The following BAZ1A variants were observed in gnomAD, a reference collection of about 807,000 sequenced individuals.
BAZ1A encodes the protein bromodomain adjacent to zinc finger domain 1A, also known as bromodomain adjacent to zinc finger domain protein 1A.
BAZ1A carries 50 observed loss-of-function variants against 185.2 expected under a neutral mutation model. The ratio of observed to expected loss-of-function variants is 0.27; its 90% confidence interval spans 0.22 to 0.34. The LOEUF is 0.34. Ranked by LOEUF, BAZ1A falls within the 10% of genes least tolerant of loss-of-function variation. The pLI is 1.00. For missense variants in BAZ1A, 1,356 were observed against 1,839.9 expected, an observed-to-expected ratio of 0.74 and a Z score of 4.81; for synonymous variants, 571 against 615.6, an observed-to-expected ratio of 0.93 and a Z score of 1.07.
chr14:34,846,708 C>G (rs1379585486), intron 3 of BAZ1A, among the ~76,000 whole-genome samples: 4 of 152,052 alleles, frequency 2.6e-5, no homozygotes, highest in African/African-American at 4.8e-5. Flanking sequence ...TAAATGTTAA[C>G]TGTTCAACTT....
At chr14:34,861,897 C>T in intron 3 of BAZ1A, 147 bp downstream of exon 3, 1 of 882,846 alleles carries the variant, frequency 1.1e-6, no homozygotes, top group East Asian at 2.6e-5. Flanking sequence ...ATACAAGAAA[C>T]AGCTAACACC....
Position 34,800,359 on chromosome 14 carries a change from T to C in BAZ1A, c.993A>G (p.Lys331=). The part of the protein sequence containing the change: ...AFEKAKLKRE[K]ADALEAKKKE... ...TTTTCTTCGCTTCTAGGGCATCTGC[T>C]TTTTCTCTTTTTAATTTAGCCTTTT... The change falls in exon 9 of 27, where the codon AAA becomes AAG. Residue 331 remains lysine (K), a synonymous_variant. Coordinates refer to ENST00000360310, the MANE Select transcript of BAZ1A (RefSeq NM_013448.3). 1 of 1,547,680 alleles carries C rather than the reference T, an allele frequency of 6.5e-7. No individual in the cohort carries two copies. The highest frequency in any genetic ancestry group is 8.7e-7 in the Non-Finnish European group (1 of 1,153,612).
At chr14:34,811,129 A>C (rs1314618714) in intron 4 of BAZ1A, 93 bp from the exon 5 acceptor site, 1 of 905,612 alleles carries the variant, frequency 1.1e-6, no homozygotes, top group African/African-American at 1.7e-5. Flanking sequence ...TACTATAATA[A>C]AATCACATAT....
intron 4 of BAZ1A, among the ~76,000 whole-genome samples, chr14:34,814,323 A>C (rs1312487893): frequency 6.6e-6 from 1 of 151,874 alleles, no homozygotes. Context: ...AACCAATTAA[A>C]TACACAAAAA....
At chr14:34,868,454 T>C (rs2042896585) in intron 2 of BAZ1A, among the ~76,000 whole-genome samples, 1 of 152,122 alleles carries the variant, frequency 6.6e-6, no homozygotes, top group South Asian at 2.1e-4. Flanking sequence ...TTGTTGGGTA[T>C]TGGGAAAACT....
At position 34,762,219 on chromosome 14, in the gene BAZ1A, G is replaced by A. The variant is rs755176637; in HGVS notation, c.3781C>T (p.Pro1261Ser). 12 of 1,613,428 alleles carry A rather than the reference G, an allele frequency of 7.4e-6. No homozygotes were observed. Among genetic ancestry groups the A allele is most frequent in the African/African-American group, 1.3e-5 (1 of 74,822 alleles). Residue 1261 changes from proline (P) to serine (S), a missense_variant, in exon 24 of 27, where the codon CCC becomes TCC. Around this residue, in one of 7 missense-constraint regions of BAZ1A, gnomAD observed 309 missense variants for 355.3 expected, o/e 0.87. Coordinates refer to ENST00000360310, the MANE Select transcript of BAZ1A (RefSeq NM_013448.3). ...CTAACTTGTGGTCTTCCTCGTTTGG[G>A]TAGGCTATAAATATTGTTAGAAAAC... ...DSQEEEEVSL[P>S]KRGRPQVRLP...
At chr14:34,794,049 T>C (rs1881039372) in intron 11 of BAZ1A, among the ~76,000 whole-genome samples, 1 of 152,232 alleles carries the variant, frequency 6.6e-6, no homozygotes, top group East Asian at 1.9e-4. Context: ...GGAGAATCGC[T>C]TGAACCCTGG....
chr14:34,846,504 G>T (rs2042514656), intron 3 of BAZ1A, among the ~76,000 whole-genome samples: 1 of 152,198 alleles, frequency 6.6e-6, no homozygotes. Flanking sequence ...GAACTATTTT[G>T]TGAAGCATAA....
At chr14:34,783,460 T>G (rs1156701395) in intron 15 of BAZ1A, among the ~76,000 whole-genome samples, 1 of 149,066 alleles carries the variant, frequency 6.7e-6, no homozygotes, top group Non-Finnish European at 1.5e-5. Context: ...CTCAACCTCC[T>G]GAGTAGCTGG....
intron 3 of BAZ1A, among the ~76,000 whole-genome samples, chr14:34,846,153 C>T (rs1309154370): frequency 6.6e-6 from 1 of 152,200 alleles, no homozygotes; most frequent in Non-Finnish European, 1.5e-5. Context: ...CACCACCCTG[C>T]TGCTAATCAA....
chr14:34,842,201 T>G (rs1229170469), intron 3 of BAZ1A, among the ~76,000 whole-genome samples: 1 of 152,046 alleles, frequency 6.6e-6, no homozygotes, highest in African/African-American at 2.4e-5. Context: ...TACTGCCTAC[T>G]ACCTTCAAAG....
chr14:34,813,872 G>A (rs956537276), intron 4 of BAZ1A, among the ~76,000 whole-genome samples: 13 of 151,634 alleles, frequency 8.6e-5, no homozygotes, highest in African/African-American at 1.9e-4. Flanking sequence ...GTGAAACCTC[G>A]TCTCTACTGA....
In BAZ1A at chr14:34,874,690, C is replaced by A. The variant is rs2043013947; in HGVS notation, c.-58-28G>T. On this transcript the variant is annotated intron_variant, in intron 1 of 26. Transcript: ENST00000360310. This position sits in a 1 kb window ranked among gnomAD's most constrained non-coding sequence, Gnocchi z 4.7. Reference sequence around the variant, plus strand: ...ATCAAAATTGGAGGGAAAGGAAAGCCGGTAAGGTGGGGAGCCCTCGGCGGC... The same window carrying A: ...ATCAAAATTGGAGGGAAAGGAAAGCAGGTAAGGTGGGGAGCCCTCGGCGGC... The A allele has an allele frequency of 8.2e-6, 10 of 1,216,844 alleles. No homozygotes were observed. Among genetic ancestry groups the A allele is most frequent in the African/African-American group, 1.6e-5 (1 of 64,030 alleles). The allele number at this position is 1,216,844 out of a possible 1,614,324, so 75.4% of individuals were successfully genotyped here.
chr14:34,872,522 G>A (rs1333422413), intron 2 of BAZ1A, among the ~76,000 whole-genome samples: 2 of 151,970 alleles, frequency 1.3e-5, no homozygotes. Context: ...GATTGTTTGA[G>A]CCCACGAGGT....
At chr14:34,845,243 C>T (rs1027064576) in intron 3 of BAZ1A, 16 of 148,524 alleles carry the variant, frequency 1.1e-4, no homozygotes, top group African/African-American at 3.7e-4. Flanking sequence ...TTATTTTACA[C>T]GTGTTATTTC....
chr14:34,868,622 G>C (rs1447109380), intron 2 of BAZ1A, among the ~76,000 whole-genome samples: 1 of 152,048 alleles, frequency 6.6e-6, no homozygotes, highest in Admixed American at 6.6e-5. Flanking sequence ...CCAAGATGGT[G>C]AAACTCCGTC....
At chr14:34,785,341 A>G (rs1431000306) in intron 14 of BAZ1A, among the ~76,000 whole-genome samples, 3 of 152,252 alleles carry the variant, frequency 2.0e-5, no homozygotes, top group Non-Finnish European at 4.4e-5. Context: ...TGTTCTCTAA[A>G]GTATACTAAA....
intron 6 of BAZ1A, among the ~76,000 whole-genome samples, chr14:34,803,686 TA>T (rs1296086339): frequency 5.3e-5 from 8 of 152,306 alleles, no homozygotes; most frequent in Non-Finnish European, 8.8e-5. Context: ...TATTTAACAT[TA>T]AAAATCTACT....
At chr14:34,787,512 C>T (rs138619042) in intron 12 of BAZ1A, among the ~76,000 whole-genome samples, 4,227 of 151,480 alleles carry the variant, frequency 0.028, 72 homozygotes, top group South Asian at 0.054. Flanking sequence ...GGTGAAACCC[C>T]GTCTCTTCTA....
Sources: gnomAD v4.1 joint callset for allele counts (sites outside exome capture counted in the v4.1 genomes callset) on GRCh38, gnomAD v4.1.1 for gene constraint, gnomAD v4.1.1 regional missense constraint, Gnocchi (gnomAD v3.1) non-coding constraint, MANE v1.5 for transcripts, NCBI Gene and HGNC (gene_info 2026-07-23, HGNC 2026-07-21) for gene names.